The following KLF12 variants were observed in gnomAD, a reference collection of about 807,000 sequenced individuals.
The protein encoded by KLF12 is Krueppel-like factor 12.
KLF12 carries 9 observed loss-of-function variants against 37.8 expected under a neutral mutation model. The ratio of observed to expected loss-of-function variants is 0.24; its 90% CI spans 0.14 to 0.42. KLF12 has a LOEUF of 0.42. KLF12 is among the 10% of genes least tolerant of loss of function. KLF12 has a pLI of 1.00. For synonymous variants in KLF12, 208 were observed against 202.1 expected, an observed-to-expected ratio of 1.03 and a Z score of -0.25; for missense variants, 411 against 516.0, an observed-to-expected ratio of 0.80 and a Z score of 1.97.
intron 2 of KLF12, among the ~76,000 whole-genome samples, chr13:73,949,938 C>G (rs1208932319): frequency 1.4e-5 from 2 of 144,956 alleles, no homozygotes; most frequent in African/African-American, 4.9e-5. Context: ...TATTGGGACT[C>G]TCAACTAAAA....
At chr13:73,918,995 T>C (rs571398856) in intron 3 of KLF12, among the ~76,000 whole-genome samples, 1 of 152,282 alleles carries the variant, frequency 6.6e-6, no homozygotes, top group Non-Finnish European at 1.5e-5. Flanking sequence ...CCCTGCCAAA[T>C]GCCACAAGCT....
chr13:74,200,529 G>A, the KLF12 span, among the ~76,000 whole-genome samples: 1 of 152,076 alleles, frequency 6.6e-6, no homozygotes, highest in Non-Finnish European at 1.5e-5. Flanking sequence ...AGAGTGGAGG[G>A]AAAAGACTGA....
intron 1 of KLF12, among the ~76,000 whole-genome samples, chr13:74,125,166 TACACAC>T (rs374663142): frequency 9.4e-5 from 13 of 138,852 alleles, no homozygotes; most frequent in South Asian, 6.9e-4. Flanking sequence ...TATATATATA[TACACAC>T]ACACACACAC....
At chr13:74,032,396 T>C (rs1893137497) in intron 1 of KLF12, among the ~76,000 whole-genome samples, 1 of 152,146 alleles carries the variant, frequency 6.6e-6, no homozygotes, top group African/African-American at 2.4e-5. Flanking sequence ...CATAGTCTGG[T>C]CTCACTTTAC....
At chr13:73,955,529 C>A (rs113294442) in intron 2 of KLF12, among the ~76,000 whole-genome samples, 175 of 152,274 alleles carry the variant, frequency 1.1e-3, no homozygotes, top group African/African-American at 3.9e-3. Flanking sequence ...GTCACTTCAT[C>A]CTAATGAGGA....
chr13:73,827,029 C>A (rs1883886409), intron 4 of KLF12, among the ~76,000 whole-genome samples: 3 of 152,188 alleles, frequency 2.0e-5, no homozygotes, highest in Admixed American at 6.5e-5. Context: ...GATCTGCCCA[C>A]CTTGGCCTCC....
intron 5 of KLF12, among the ~76,000 whole-genome samples, chr13:73,771,437 A>G (rs1481293668): frequency 2.6e-5 from 4 of 152,242 alleles, no homozygotes; most frequent in Admixed American, 1.3e-4. Flanking sequence ...AGAGCTTATC[A>G]TAACACATTG....
At chr13:73,776,574 T>G (rs1341968438) in intron 5 of KLF12, among the ~76,000 whole-genome samples, 1 of 152,198 alleles carries the variant, frequency 6.6e-6, no homozygotes, top group Non-Finnish European at 1.5e-5. Context: ...GACTCTCACA[T>G]TTGACCAACA....
At chr13:73,952,759 T>C (rs547783376) in intron 2 of KLF12, among the ~76,000 whole-genome samples, 4 of 152,258 alleles carry the variant, frequency 2.6e-5, no homozygotes, top group African/African-American at 9.6e-5. Flanking sequence ...CATGAAGGCT[T>C]ATTAAGCAAA....
chr13:73,802,294 G>C (rs575111477), intron 5 of KLF12: 1 of 152,052 alleles, frequency 6.6e-6, no homozygotes, highest in African/African-American at 2.4e-5. Flanking sequence ...TCAATTTTTA[G>C]GGAAAAAAGT....
the KLF12 span, among the ~76,000 whole-genome samples, chr13:74,263,033 C>T: frequency 6.6e-6 from 1 of 152,188 alleles, no homozygotes; most frequent in African/African-American, 2.4e-5. Context: ...GAGCTAAATA[C>T]TGTCTAACAG....
chr13:73,883,682 G>A (rs905880887), intron 3 of KLF12, among the ~76,000 whole-genome samples: 3 of 152,136 alleles, frequency 2.0e-5, no homozygotes, highest in African/African-American at 7.2e-5. Context: ...TTTGCTTCAA[G>A]GAGCTTATAA....
At chr13:74,009,155 T>G (rs961348793) in intron 1 of KLF12, among the ~76,000 whole-genome samples, 1 of 152,180 alleles carries the variant, frequency 6.6e-6, no homozygotes, top group Non-Finnish European at 1.5e-5. Flanking sequence ...TTGTAACAGT[T>G]TATCTGTGAC....
intron 6 of KLF12, among the ~76,000 whole-genome samples, chr13:73,759,763 T>A (rs546804232): frequency 6.6e-6 from 1 of 152,268 alleles, no homozygotes; most frequent in African/African-American, 2.4e-5. Flanking sequence ...GAACTGCGCT[T>A]GATGATGCTT....
At chr13:74,095,338 G>A (rs1446772995) in intron 1 of KLF12, among the ~76,000 whole-genome samples, 2 of 152,072 alleles carry the variant, frequency 1.3e-5, no homozygotes, top group Non-Finnish European at 2.9e-5. Flanking sequence ...TAAAACCTCT[G>A]AGACAGTACA....
At position 73,860,475 on chromosome 13, in the gene KLF12, T is replaced by C. The variant is rs535949130; in HGVS notation, c.124-14102A>G. 1.0e-3 allele frequency among the ~76,000 whole-genome samples: 154 copies of C among 152,244 alleles called. 1 individual carries two copies. Among genetic ancestry groups the C allele is most frequent in the African/African-American group, 3.6e-3 (149 of 41,548 alleles). ...ACGGGCCACATGCAGTGGCTCACGCTTGTAATCACAGCACTTTAGGAGGCC... is the reference window on the plus strand; with the variant it reads ...ACGGGCCACATGCAGTGGCTCACGCCTGTAATCACAGCACTTTAGGAGGCC... On this transcript the variant is annotated intron_variant, in intron 3 of 7. Transcript: ENST00000377669.
chr13:73,734,948 A>C (rs7996967), intron 6 of KLF12, among the ~76,000 whole-genome samples: 126,917 of 151,694 alleles, frequency 0.84, 53,284 homozygotes, highest in East Asian at 0.98. Flanking sequence ...GGTAATACTC[A>C]ACAGTTTGGA....
intron 5 of KLF12, among the ~76,000 whole-genome samples, chr13:73,774,836 A>G (rs1470406981): frequency 6.6e-6 from 1 of 151,996 alleles, no homozygotes; most frequent in African/African-American, 2.4e-5. Context: ...TATTATCAAT[A>G]ACAATCTATA....
intron 3 of KLF12, among the ~76,000 whole-genome samples, chr13:73,939,998 A>G (rs983775843): frequency 6.6e-6 from 1 of 152,186 alleles, no homozygotes; most frequent in African/African-American, 2.4e-5. Flanking sequence ...ATGAGGGCAT[A>G]GAGGCCTGGA....
Sources: gnomAD v4.1 joint callset for allele counts (sites outside exome capture counted in the v4.1 genomes callset) on GRCh38, gnomAD v4.1.1 for gene constraint, MANE v1.5 for transcripts, NCBI Gene and HGNC (gene_info 2026-07-23, HGNC 2026-07-21) for gene names.